The following PTN variants were observed in gnomAD, a reference collection of about 807,000 sequenced individuals.
The protein encoded by PTN is heparin affin regulatory protein.
A neutral mutation model predicts 24.1 loss-of-function variants in PTN; 18 were observed. The observed-to-expected ratio is 0.75, with a 90% confidence interval of 0.52 to 1.11. The LOEUF (loss-of-function observed/expected upper bound fraction) is 1.11, where lower values mean the gene tolerates loss of function less well. Among genes scored for constraint, PTN ranks in the 50% least tolerant of loss-of-function variants. PTN has a pLI of 0.00. For synonymous variants in PTN, 78 were observed against 68.6 expected (o/e 1.14, Z -0.67); for missense variants, 163 against 198.8 (o/e 0.82, Z 1.08).
chr7:137,296,851 C>T (rs895138523), intron 1 of PTN, among the ~76,000 whole-genome samples: 3 of 152,012 alleles, frequency 2.0e-5, no homozygotes, highest in Non-Finnish European at 4.4e-5. Flanking sequence ...ACCAAACCCC[C>T]CAAATCGAAG....
intron 1 of PTN, among the ~76,000 whole-genome samples, chr7:137,293,296 T>A (rs1245768898): frequency 6.6e-6 from 1 of 152,114 alleles, no homozygotes; most frequent in East Asian, 1.9e-4. Flanking sequence ...ACTTCCTGAC[T>A]GACGGGATGA....
chr7:137,288,721 A>C (rs1809596055), intron 1 of PTN, among the ~76,000 whole-genome samples: 1 of 152,214 alleles, frequency 6.6e-6, no homozygotes, highest in African/African-American at 2.4e-5. Flanking sequence ...GAAACCTTTT[A>C]TCTGAAGTTT....
intron 1 of PTN, among the ~76,000 whole-genome samples, chr7:137,319,618 T>G (rs1467058677): frequency 6.6e-6 from 1 of 152,236 alleles, no homozygotes; most frequent in Non-Finnish European, 1.5e-5. Flanking sequence ...CTGTGGGGTT[T>G]TGTTTTCCAT....
chr7:137,267,356 C>G (rs573756684), intron 1 of PTN, among the ~76,000 whole-genome samples: 21 of 151,884 alleles, frequency 1.4e-4, no homozygotes, highest in East Asian at 9.7e-4. Context: ...TCTTTCCTTG[C>G]CTCTGCCAGC....
At chr7:137,284,161 G>A (rs949695548) in intron 1 of PTN, among the ~76,000 whole-genome samples, 1 of 151,126 alleles carries the variant, frequency 6.6e-6, no homozygotes, top group Non-Finnish European at 1.5e-5. Context: ...GTAGAGACAG[G>A]GTTTCACCGT....
intron 1 of PTN, among the ~76,000 whole-genome samples, chr7:137,268,314 C>T (rs867504262): frequency 5.0e-4 from 76 of 152,190 alleles, no homozygotes; most frequent in African/African-American, 1.7e-3. Context: ...CTGGACCGTC[C>T]ATTACTCACC....
At chr7:137,233,953 C>T (rs773204704) in intron 4 of PTN, among the ~76,000 whole-genome samples, 53 of 149,078 alleles carry the variant, frequency 3.6e-4, no homozygotes, top group Admixed American at 1.5e-3. Flanking sequence ...TATATGTACA[C>T]GTATACATAT....
chr7:137,324,475 T>C (rs1410324828), intron 1 of PTN, among the ~76,000 whole-genome samples: 1 of 141,554 alleles, frequency 7.1e-6, no homozygotes, highest in Non-Finnish European at 1.5e-5. Flanking sequence ...TAAGCCCTCA[T>C]CTAAAAATTC....
At chr7:137,331,803 G>A (rs1490736991) in intron 1 of PTN, among the ~76,000 whole-genome samples, 1 of 152,174 alleles carries the variant, frequency 6.6e-6, no homozygotes, top group Admixed American at 6.5e-5. Flanking sequence ...ATATGGAAGG[G>A]TCCTTTAGGG....
At chr7:137,332,463 T>C (rs73165715) in intron 1 of PTN, among the ~76,000 whole-genome samples, 13,674 of 152,256 alleles carry the variant, frequency 0.09, 830 homozygotes, top group Middle Eastern at 0.13. Context: ...TGCGTTGAGC[T>C]ATATTTGAGA....
chr7:137,237,438 C>T (rs1408936968), intron 4 of PTN, among the ~76,000 whole-genome samples: 2 of 152,078 alleles, frequency 1.3e-5, no homozygotes, highest in South Asian at 2.1e-4. Flanking sequence ...TCCGCGAATT[C>T]GATTTCAGAC....
intron 4 of PTN, among the ~76,000 whole-genome samples, chr7:137,242,797 CCT>C (rs1348830116): frequency 6.6e-6 from 1 of 152,230 alleles, no homozygotes; most frequent in Non-Finnish European, 1.5e-5. Flanking sequence ...TGCACCGTCC[CCT>C]GACCCACACA....
intron 1 of PTN, among the ~76,000 whole-genome samples, chr7:137,324,436 AT>A (rs1810223075): frequency 2.2e-5 from 3 of 134,658 alleles, no homozygotes; most frequent in African/African-American, 8.6e-5. Flanking sequence ...AAAAAAAAAT[AT>A]ATATATATAT....
chr7:137,304,148 A>C (rs2128878979), intron 1 of PTN, among the ~76,000 whole-genome samples: 1 of 151,936 alleles, frequency 6.6e-6, no homozygotes, highest in Admixed American at 6.6e-5. Context: ...TTGTTAACTG[A>C]CCCCAAGATT....
chr7:137,329,776 G>C (rs1306121537), intron 1 of PTN, among the ~76,000 whole-genome samples: 1 of 152,076 alleles, frequency 6.6e-6, no homozygotes, highest in Non-Finnish European at 1.5e-5. Flanking sequence ...GGCATATAGT[G>C]GGTACTCCAT....
At chr7:137,252,837 C>A (rs561765670) in intron 3 of PTN, among the ~76,000 whole-genome samples, 6 of 149,176 alleles carry the variant, frequency 4.0e-5, no homozygotes, top group African/African-American at 1.6e-4. Flanking sequence ...ATAGATCAGG[C>A]CAGCATAAGA....
chr7:137,326,979 G>A (rs978733188), intron 1 of PTN: 1 of 151,386 alleles, frequency 6.6e-6, no homozygotes, highest in Non-Finnish European at 1.5e-5. Flanking sequence ...GACTATAAAA[G>A]GAAACCATAG....
intron 1 of PTN, among the ~76,000 whole-genome samples, chr7:137,257,810 C>T (rs942022932): frequency 7.2e-5 from 11 of 152,136 alleles, no homozygotes; most frequent in Non-Finnish European, 1.0e-4. Context: ...TCATGGAGAA[C>T]GCAGAACTCT....
intron 1 of PTN, among the ~76,000 whole-genome samples, chr7:137,307,595 A>G (rs1232493951): frequency 1.3e-5 from 2 of 150,570 alleles, no homozygotes; most frequent in African/African-American, 4.8e-5. Flanking sequence ...AAATATGTCT[A>G]TGACTATATA....
Sources: gnomAD v4.1 joint callset for allele counts (sites outside exome capture counted in the v4.1 genomes callset) on GRCh38, gnomAD v4.1.1 for gene constraint, MANE v1.5 for transcripts, NCBI Gene and HGNC (gene_info 2026-07-23, HGNC 2026-07-21) for gene names.